Variants in ARHGAP29 observed in about 807,000 individuals in gnomAD.
The protein encoded by ARHGAP29 is Rho GTPase activating protein 29.
In ARHGAP29, 43 loss-of-function variants were observed where a neutral mutation model predicts 122.6. That is an observed-to-expected ratio of 0.35 (90% confidence interval 0.27 to 0.45). ARHGAP29 has a LOEUF of 0.45. Among genes scored for constraint, ARHGAP29 ranks in the 20% least tolerant of loss-of-function variants. The probability of loss-of-function intolerance (pLI) is 1.00; values close to 1 mark genes in which losing one functional copy is unlikely to be tolerated. For missense variants in ARHGAP29, 1,303 were observed against 1,477.2 expected, an observed-to-expected ratio of 0.88 and a Z score of 1.93; for synonymous variants, 506 against 497.1, an observed-to-expected ratio of 1.02 and a Z score of -0.24.
At chr1:94,269,323 G>A (rs999839291) in intron 1 of ARHGAP29, among the ~76,000 whole-genome samples, 2 of 152,174 alleles carry the variant, frequency 1.3e-5, no homozygotes, top group African/African-American at 4.8e-5. Context: ...ATCTAATCTA[G>A]GGGAAGTAAC....
chr1:94,253,679 C>T (rs1654213204), intron 1 of ARHGAP29, among the ~76,000 whole-genome samples: 5 of 152,096 alleles, frequency 3.3e-5, no homozygotes. Flanking sequence ...CACATGCACA[C>T]ATTAAGGCTT....
intron 13 of ARHGAP29, among the ~76,000 whole-genome samples, chr1:94,189,670 G>T (rs1228286401): frequency 6.6e-6 from 1 of 151,966 alleles, no homozygotes; most frequent in East Asian, 1.9e-4. Flanking sequence ...AAACATGTAT[G>T]GCCATCATAT....
intron 1 of ARHGAP29, among the ~76,000 whole-genome samples, chr1:94,258,328 T>A (rs2100709383): frequency 6.6e-6 from 1 of 152,364 alleles, no homozygotes; most frequent in East Asian, 1.9e-4. Context: ...TCTCAATTTT[T>A]TAAGCCAGGA....
Position 94,184,969 on chromosome 1 carries a change from G to A in ARHGAP29, c.2012C>T (p.Ala671Val). ...CTTTTTTGCAACTTGTGTGAATTCT[G>A]CTCCAAATAAGTGTATTTTTCCTGG... ...KLPGKIHLFGAEFTQVAKKEP... is the reference protein window; with the variant it reads ...KLPGKIHLFGVEFTQVAKKEP... Residue 671 changes from alanine to valine, a missense_variant, in exon 18 of 23, where the codon GCA (alanine) becomes GTA (valine). Ala to Val is a moderately conservative substitution (Grantham distance 64). Transcript: ENST00000260526. 1 of 1,613,350 alleles carries A rather than the reference G, an allele frequency of 6.2e-7. No individual in the cohort carries two copies. The highest frequency in any genetic ancestry group is 8.5e-7 in the Non-Finnish European group (1 of 1,179,564).
chr1:94,220,538 C>T, intron 2 of ARHGAP29, 146 bp from the exon 3 acceptor site: 1 of 602,266 alleles, frequency 1.7e-6, no homozygotes, highest in South Asian at 2.4e-5. Flanking sequence ...TTCACTGCTG[C>T]AATTATATAC....
chr1:94,179,856 A>T lies in ARHGAP29; in HGVS notation c.2349T>A (p.Ser783Arg). Reference sequence around the variant, plus strand: ...TATTTGGCCATTTTTTGTCTTCAAGACTATTCTTTTTTGTCTCTTGTTCTT... The same window carrying T: ...TATTTGGCCATTTTTTGTCTTCAAGTCTATTCTTTTTTGTCTCTTGTTCTT... ...VNEEQETKKN[S>R]LEDKKWPNMC... The change falls in exon 20 of 23, where the codon AGT becomes AGA. Residue 783 changes from serine to arginine, a missense_variant. By Grantham distance (110) the Ser-to-Arg change is moderately radical. This residue lies in a region of ARHGAP29 where 620 missense variants were observed against 651.2 expected (regional missense o/e 0.95). Coordinates refer to ENST00000260526, the MANE Select transcript of ARHGAP29 (RefSeq NM_004815.4). 6.2e-7 allele frequency: 1 copy of T among 1,613,256 alleles called. No homozygotes were observed. Among genetic ancestry groups the T allele is most frequent in the Admixed American group, 1.7e-5 (1 of 59,994 alleles).
chr1:94,237,273 G>T, intron 1 of ARHGAP29, 142 bp downstream of exon 1: 1 of 528,736 alleles, frequency 1.9e-6, no homozygotes, highest in Non-Finnish European at 2.4e-6. Context: ...CGTCCCTAGC[G>T]CAGCCTGCCA....
At chr1:94,178,250 G>C in intron 20 of ARHGAP29, 83 bp from the exon 21 acceptor site, 1 of 1,361,468 alleles carries the variant, frequency 7.3e-7, no homozygotes, top group Non-Finnish European at 1.0e-6. Context: ...TAGAGAGGGT[G>C]GAGGGAAAAT....
Position 94,173,539 on chromosome 1 carries a change from G to A in ARHGAP29, c.*330C>T. On this transcript the variant is annotated 3_prime_UTR_variant, in exon 23 of 23. Transcript: ENST00000260526. ...TTTTCCCAAATTGCACCTATTAGTTGAGACTATATCATATATTAGGGATGC... is the reference window on the plus strand; with the variant it reads ...TTTTCCCAAATTGCACCTATTAGTTAAGACTATATCATATATTAGGGATGC... 5.0e-6 allele frequency: 1 copy of A among 199,610 alleles called. No homozygotes were observed. Among genetic ancestry groups the A allele is most frequent in the South Asian group, 1.2e-4 (1 of 8,274 alleles). The allele number at this position is 199,610 out of a possible 1,614,324, so 12.4% of individuals were successfully genotyped here.
At chr1:94,268,322 ATTCTGCAAGCTTCTACC>A (rs1034962756) in intron 1 of ARHGAP29, among the ~76,000 whole-genome samples, 36 of 151,988 alleles carry the variant, frequency 2.4e-4, no homozygotes, top group African/African-American at 8.0e-4. Flanking sequence ...TGATCATCCT[ATTCTGCAAGCTTCTACC>A]TTCTCCTACA....
chr1:94,293,113 C>T, the ARHGAP29 span, among the ~76,000 whole-genome samples: 18 of 152,224 alleles, frequency 1.2e-4, no homozygotes, highest in Non-Finnish European at 2.2e-4. Context: ...TGGTGGGCTC[C>T]GCCCAGTTTG....
At chr1:94,275,544 A>G (rs1030726154), upstream of ARHGAP29, among the ~76,000 whole-genome samples, 5 of 152,164 alleles carry the variant, frequency 3.3e-5, no homozygotes, top group Admixed American at 1.3e-4. Flanking sequence ...ACAGTAAAAG[A>G]GCAGTAGCTG....
chr1:94,290,206 A>C, the ARHGAP29 span, among the ~76,000 whole-genome samples: 2 of 151,356 alleles, frequency 1.3e-5, no homozygotes, highest in African/African-American at 4.8e-5. Context: ...ATTCAGGTCT[A>C]TTCGGGTCTA....
chr1:94,236,520 C>T (rs1653273152), intron 1 of ARHGAP29, among the ~76,000 whole-genome samples: 1 of 152,150 alleles, frequency 6.6e-6, no homozygotes, highest in Non-Finnish European at 1.5e-5. Flanking sequence ...GGAAGGAGAG[C>T]TCAGCTCCTG....
the ARHGAP29 span, among the ~76,000 whole-genome samples, chr1:94,308,721 G>A: frequency 6.6e-6 from 1 of 152,146 alleles, no homozygotes; most frequent in African/African-American, 2.4e-5. Context: ...ACCTGACATG[G>A]CCTTGTCTCC....
At chr1:94,232,194 T>C (rs1652958062) in intron 1 of ARHGAP29, among the ~76,000 whole-genome samples, 1 of 152,166 alleles carries the variant, frequency 6.6e-6, no homozygotes. Context: ...GTATGATCTA[T>C]TCATCTCTTT....
chr1:94,184,777 A>G, intron 18 of ARHGAP29, 95 bp downstream of exon 18: 1 of 1,056,438 alleles, frequency 9.5e-7, no homozygotes, highest in East Asian at 2.7e-5. Flanking sequence ...AACAAAAAAA[A>G]CCCCTGAGCA....
upstream of ARHGAP29, among the ~76,000 whole-genome samples, chr1:94,279,579 T>G (rs994376302): frequency 6.6e-6 from 1 of 152,236 alleles, no homozygotes; most frequent in East Asian, 1.9e-4. Context: ...TGACTGCATC[T>G]TTTCTTCTAT....
chr1:94,215,415 C>T (rs746997168), intron 3 of ARHGAP29, among the ~76,000 whole-genome samples: 6 of 151,438 alleles, frequency 4.0e-5, no homozygotes, highest in African/African-American at 1.5e-4. Flanking sequence ...GCTATCCCTA[C>T]CAGATACTAA....
Sources: allele counts gnomAD v4.1 joint callset (sites outside exome capture counted in the v4.1 genomes callset), GRCh38; gene constraint gnomAD v4.1.1; regional missense constraint gnomAD v4.1.1; transcripts MANE v1.5; gene names NCBI Gene and HGNC (gene_info 2026-07-23, HGNC 2026-07-21).